Variants in DCLK2 observed in about 807,000 individuals in gnomAD.
The protein encoded by DCLK2 is serine/threonine-protein kinase DCLK2.
A neutral mutation model predicts 78.4 loss-of-function variants in DCLK2; 31 were observed. The observed-to-expected ratio is 0.40, with a 90% confidence interval of 0.30 to 0.53. DCLK2 has a LOEUF of 0.53. Among genes scored for constraint, DCLK2 ranks in the 20% least tolerant of loss-of-function variants. The pLI, the probability that DCLK2 is intolerant of heterozygous loss-of-function variation, is 0.61. For synonymous variants in DCLK2, 407 were observed against 374.9 expected, an observed-to-expected ratio of 1.09 and a Z score of -0.99; for missense variants, 872 against 973.7, an observed-to-expected ratio of 0.90 and a Z score of 1.39.
At chr4:150,250,745 A>G (rs1476004979) in intron 15 of DCLK2, among the ~76,000 whole-genome samples, 1 of 151,610 alleles carries the variant, frequency 6.6e-6, no homozygotes, top group Non-Finnish European at 1.5e-5. Flanking sequence ...CTACCCAACT[A>G]GAAGGGAAAC....
intron 2 of DCLK2, among the ~76,000 whole-genome samples, chr4:150,119,594 A>C (rs1390534998): frequency 6.6e-6 from 1 of 152,130 alleles, no homozygotes; most frequent in East Asian, 1.9e-4. Flanking sequence ...CTATTGTGTA[A>C]ATTGAGGCCT....
intron 12 of DCLK2, among the ~76,000 whole-genome samples, chr4:150,241,905 T>C (rs1742955633): frequency 6.6e-6 from 1 of 152,192 alleles, no homozygotes; most frequent in Non-Finnish European, 1.5e-5. Flanking sequence ...CATCTCCTAC[T>C]ACCATCACAT....
At chr4:150,250,841 A>T (rs1743744401) in intron 15 of DCLK2, among the ~76,000 whole-genome samples, 2 of 147,228 alleles carry the variant, frequency 1.4e-5, no homozygotes, top group African/African-American at 5.1e-5. Context: ...AGGAAGCCAC[A>T]CACATAACCC....
chr4:150,220,890 C>A, intron 6 of DCLK2, 112 bp downstream of exon 6: 1 of 833,352 alleles, frequency 1.2e-6, no homozygotes, highest in Non-Finnish European at 1.9e-6. Context: ...GGGATGTGAT[C>A]ACATCACCTG....
chr4:150,201,143 ATCTT>A (rs1396883855), intron 4 of DCLK2, among the ~76,000 whole-genome samples: 1 of 152,154 alleles, frequency 6.6e-6, no homozygotes, highest in Non-Finnish European at 1.5e-5. Context: ...TAGCTTGTGA[ATCTT>A]TCTTAGTCTG....
intron 2 of DCLK2, among the ~76,000 whole-genome samples, chr4:150,117,861 A>G (rs1328850410): frequency 6.6e-6 from 1 of 152,222 alleles, no homozygotes; most frequent in Non-Finnish European, 1.5e-5. Flanking sequence ...AGTTCACAGC[A>G]TGAATCACCA....
chr4:150,138,664 G>T (rs1560803860), intron 2 of DCLK2, among the ~76,000 whole-genome samples: 1 of 117,698 alleles, frequency 8.5e-6, no homozygotes, highest in Admixed American at 9.4e-5. Context: ...TAGGGCAGAT[G>T]GGACTCTTAT....
chr4:150,202,847 G>A (rs1407875394), intron 4 of DCLK2, among the ~76,000 whole-genome samples: 6 of 152,206 alleles, frequency 3.9e-5, no homozygotes, highest in African/African-American at 1.4e-4. Flanking sequence ...TACTAGTTTT[G>A]TGAAATTACT....
chr4:150,205,828 G>A (rs145671095), intron 5 of DCLK2, among the ~76,000 whole-genome samples: 1 of 152,328 alleles, frequency 6.6e-6, no homozygotes, highest in African/African-American at 2.4e-5. Flanking sequence ...GGCAGATCTA[G>A]GGTAACCTTT....
chr4:150,215,182 CAAT>C (rs923742294), intron 5 of DCLK2, among the ~76,000 whole-genome samples: 3 of 152,100 alleles, frequency 2.0e-5, no homozygotes, highest in Non-Finnish European at 1.5e-5. Context: ...CCAAAAAAAA[CAAT>C]AAGCACAGAA....
At chr4:150,151,213 G>A (rs1580603275) in intron 2 of DCLK2, among the ~76,000 whole-genome samples, 1 of 152,220 alleles carries the variant, frequency 6.6e-6, no homozygotes, top group South Asian at 2.1e-4. Context: ...AGGAGGGAGG[G>A]AAACCATTGT....
rs541932268 is a variant in DCLK2, at chr4:150,157,485, G to A, written c.757-35653G>A. Among the ~76,000 whole-genome samples the A allele has an allele frequency of 1.9e-3, 242 of 130,580 alleles. 2 individuals are homozygous for A. Among genetic ancestry groups the A allele is most frequent in the Non-Finnish European group, 1.8e-3 (116 of 62,862 alleles). 85.7% of individuals were successfully genotyped at this position (130,580 alleles called of 152,430 possible). ...AAATTTTGTATTTTTTGTAGAGATG[G>A]TTTTTTTGTTTGTTTGTTTGTTTGT... On this transcript the variant is annotated intron_variant, in intron 2 of 15. Coordinates refer to ENST00000296550, the MANE Select transcript of DCLK2 (RefSeq NM_001040260.4).
intron 2 of DCLK2, among the ~76,000 whole-genome samples, chr4:150,166,214 G>A (rs1416053595): frequency 6.6e-6 from 1 of 152,168 alleles, no homozygotes; most frequent in Non-Finnish European, 1.5e-5. Context: ...ACACGGCCAG[G>A]AATGGTAGCT....
At chr4:150,200,524 T>G (rs1333617070) in intron 4 of DCLK2, among the ~76,000 whole-genome samples, 2 of 152,220 alleles carry the variant, frequency 1.3e-5, no homozygotes. Context: ...TCTTTCCACT[T>G]TCTACCACCA....
intron 5 of DCLK2, among the ~76,000 whole-genome samples, chr4:150,218,096 C>T (rs1393737151): frequency 6.8e-6 from 1 of 148,148 alleles, no homozygotes; most frequent in Non-Finnish European, 1.5e-5. Context: ...CGCCCCCCCT[C>T]CCCCCACAAC....
chr4:150,184,809 G>GA (rs1414514725), intron 2 of DCLK2, among the ~76,000 whole-genome samples: 1 of 151,978 alleles, frequency 6.6e-6, no homozygotes, highest in Non-Finnish European at 1.5e-5. Context: ...CACCATATTA[G>GA]CCAGGATGGT....
At chr4:150,239,535 A>G (rs1392427010) in intron 10 of DCLK2, among the ~76,000 whole-genome samples, 2 of 152,044 alleles carry the variant, frequency 1.3e-5, no homozygotes, top group Non-Finnish European at 2.9e-5. Flanking sequence ...CCAGAGGTTG[A>G]GGCTGCAGTG....
chr4:150,252,549 A>G (rs1231424133), intron 15 of DCLK2, among the ~76,000 whole-genome samples: 1 of 152,188 alleles, frequency 6.6e-6, no homozygotes, highest in Admixed American at 6.5e-5. Flanking sequence ...ACATTCTGGA[A>G]TGATTAGCTG....
At chr4:150,192,170 GC>G (rs1201712221) in intron 2 of DCLK2, among the ~76,000 whole-genome samples, 3 of 151,972 alleles carry the variant, frequency 2.0e-5, no homozygotes, top group Non-Finnish European at 2.9e-5. Context: ...TGGAAGGGAG[GC>G]CCTTTTTGAA....
Sources: allele counts gnomAD v4.1 joint callset (sites outside exome capture counted in the v4.1 genomes callset), GRCh38; gene constraint gnomAD v4.1.1; transcripts MANE v1.5; gene names NCBI Gene and HGNC (gene_info 2026-07-23, HGNC 2026-07-21).